OLFM3: variants seen among roughly 807,000 people sequenced by gnomAD.
The protein encoded by OLFM3 is noelin-3.
OLFM3 carries 20 observed loss-of-function variants against 48.6 expected under a neutral mutation model. The ratio of observed to expected loss-of-function variants is 0.41; its 90% CI spans 0.29 to 0.60. The LOEUF (loss-of-function observed/expected upper bound fraction) is 0.60, where lower values mean the gene tolerates loss of function less well. Among genes scored for constraint, OLFM3 ranks in the 20% least tolerant of loss-of-function variants. The pLI, the probability that OLFM3 is intolerant of heterozygous loss-of-function variation, is 0.28. For missense variants in OLFM3, 437 were observed against 544.3 expected, an observed-to-expected ratio of 0.80 and a Z score of 1.96; for synonymous variants, 222 against 198.1, an observed-to-expected ratio of 1.12 and a Z score of -1.01.
intron 1 of OLFM3, among the ~76,000 whole-genome samples, chr1:101,933,680 A>G (rs1227035932): frequency 6.6e-6 from 1 of 152,164 alleles, no homozygotes; most frequent in Non-Finnish European, 1.5e-5. Flanking sequence ...TCCAAGATCC[A>G]AATGAAAGAA....
intron 1 of OLFM3, among the ~76,000 whole-genome samples, chr1:101,969,517 A>C (rs1660720820): frequency 6.6e-6 from 1 of 152,104 alleles, no homozygotes; most frequent in Non-Finnish European, 1.5e-5. Flanking sequence ...TACTCAATAA[A>C]GATTTAAAGA....
chr1:101,862,605 A>T (rs2100965153), intron 1 of OLFM3, among the ~76,000 whole-genome samples: 1 of 152,284 alleles, frequency 6.6e-6, no homozygotes, highest in East Asian at 1.9e-4. Flanking sequence ...GACCTTAGAT[A>T]CCCCATGCTT....
intron 1 of OLFM3, among the ~76,000 whole-genome samples, chr1:101,929,590 G>T (rs1659382407): frequency 6.6e-6 from 1 of 152,052 alleles, no homozygotes. Context: ...TCCAATTCAG[G>T]TAATTCACAT....
At chr1:101,863,388 T>C (rs564583969) in intron 1 of OLFM3, among the ~76,000 whole-genome samples, 1 of 152,376 alleles carries the variant, frequency 6.6e-6, no homozygotes, top group African/African-American at 2.4e-5. Flanking sequence ...TTTACTTCTT[T>C]CTGCTACATA....
chr1:101,805,456 T>C (rs1653725007), intron 5 of OLFM3, among the ~76,000 whole-genome samples: 2 of 151,820 alleles, frequency 1.3e-5, no homozygotes, highest in Admixed American at 1.3e-4. Context: ...TAACCTCATT[T>C]AGAAATAACC....
At chr1:101,936,206 A>G (rs1490574318) in intron 1 of OLFM3, among the ~76,000 whole-genome samples, 1 of 152,168 alleles carries the variant, frequency 6.6e-6, no homozygotes, top group Non-Finnish European at 1.5e-5. Context: ...ATGATTCTCT[A>G]CTTAGTAAAC....
At chr1:101,855,974 T>C (rs1341798389) in intron 1 of OLFM3, among the ~76,000 whole-genome samples, 1 of 151,996 alleles carries the variant, frequency 6.6e-6, no homozygotes, top group East Asian at 1.9e-4. Flanking sequence ...ATAAAATGTA[T>C]GTTTAACAGG....
At chr1:101,853,134 A>G (rs1656287648) in intron 1 of OLFM3, among the ~76,000 whole-genome samples, 1 of 152,048 alleles carries the variant, frequency 6.6e-6, no homozygotes. Flanking sequence ...TTGCACTATA[A>G]AGTTCTACAT....
At chr1:101,958,444 A>G (rs1660364526) in intron 1 of OLFM3, among the ~76,000 whole-genome samples, 1 of 152,062 alleles carries the variant, frequency 6.6e-6, no homozygotes, top group Non-Finnish European at 1.5e-5. Context: ...TTCCCAATTC[A>G]TATAATTTAT....
At chr1:101,871,205 C>T (rs887084568) in intron 1 of OLFM3, among the ~76,000 whole-genome samples, 32 of 152,026 alleles carry the variant, frequency 2.1e-4, no homozygotes, top group Middle Eastern at 3.4e-3. Flanking sequence ...TACTTTTGTG[C>T]TGACACAGGA....
chr1:101,944,579 G>C (rs1470114851), intron 1 of OLFM3, among the ~76,000 whole-genome samples: 1 of 152,006 alleles, frequency 6.6e-6, no homozygotes, highest in Non-Finnish European at 1.5e-5. Flanking sequence ...CATTCAACCT[G>C]CCATTAATAG....
At chr1:101,817,372 T>C (rs1472413128) in intron 4 of OLFM3, among the ~76,000 whole-genome samples, 2 of 152,122 alleles carry the variant, frequency 1.3e-5, no homozygotes, top group African/African-American at 2.4e-5. Context: ...TATGTGCACA[T>C]TGCATATATT....
chr1:101,860,874 A>T (rs546660268), intron 1 of OLFM3, among the ~76,000 whole-genome samples: 66 of 152,154 alleles, frequency 4.3e-4, no homozygotes, highest in African/African-American at 1.4e-3. Flanking sequence ...CAGGGTTGTC[A>T]AGAGGCTTAA....
intron 1 of OLFM3, among the ~76,000 whole-genome samples, chr1:101,939,010 T>C (rs1048665089): frequency 6.6e-6 from 1 of 152,142 alleles, no homozygotes; most frequent in Non-Finnish European, 1.5e-5. Context: ...AATTTCAGTA[T>C]CTTTTATAAA....
At chr1:101,890,649 A>G (rs1657955207) in intron 1 of OLFM3, among the ~76,000 whole-genome samples, 1 of 149,998 alleles carries the variant, frequency 6.7e-6, no homozygotes, top group Non-Finnish European at 1.5e-5. Flanking sequence ...TCTGCATAAA[A>G]TTAATTATTT....
Position 101,804,245 on chromosome 1 carries a change from T to G in OLFM3, c.1370A>C (p.Asp457Ala). 4 of 1,584,414 alleles carry G rather than the reference T, an allele frequency of 2.5e-6. No homozygotes were observed. Among genetic ancestry groups the G allele is most frequent in the Non-Finnish European group, 3.4e-6 (4 of 1,165,876 alleles). The change falls in exon 6 of 6, where the codon GAC (aspartate) becomes GCC (alanine). Residue 457 changes from aspartate to alanine, a missense_variant. Physicochemically the swap from Asp to Ala is moderately radical, Grantham distance 126 (BLOSUM62 -2). This residue lies in a region of OLFM3 where 108 missense variants were observed against 135.8 expected (regional missense o/e 0.80). Coordinates refer to ENST00000370103, the MANE Select transcript of OLFM3 (RefSeq NM_058170.4). This position sits in a 1 kb window ranked among gnomAD's most constrained non-coding sequence, Gnocchi z 4.5. Reference sequence around the variant, plus strand: ...AAAACATGTCACATTTGCCTATGTGTCATCCTCTGTCTTGATGATATGGAA... The same window carrying G: ...AAAACATGTCACATTTGCCTATGTGGCATCCTCTGTCTTGATGATATGGAA... ...TLFHIIKTED[D>A]T
In OLFM3 at chr1:101,846,878, C is replaced by T. The variant is rs759972002; in HGVS notation, c.70-9853G>A. On this transcript the variant is annotated intron_variant, in intron 1 of 5. Coordinates refer to ENST00000370103, the MANE Select transcript of OLFM3 (RefSeq NM_058170.4). Reference sequence around the variant, plus strand: ...CCGGAGTCGACAGCCTCGTGGTGTTCAGTCCCACCAAGGATGGGAGAGTTT... The same window carrying T: ...CCGGAGTCGACAGCCTCGTGGTGTTTAGTCCCACCAAGGATGGGAGAGTTT... 5 of 1,612,530 alleles carry T rather than the reference C, an allele frequency of 3.1e-6. No homozygotes were observed. The African/African-American group carries it at 6.7e-5, about 22-fold the overall frequency.
At chr1:101,911,053 A>G (rs1159310686) in intron 1 of OLFM3, among the ~76,000 whole-genome samples, 1 of 152,196 alleles carries the variant, frequency 6.6e-6, no homozygotes, top group African/African-American at 2.4e-5. Flanking sequence ...CTCAATGGTA[A>G]TATTTTATGA....
chr1:101,813,590 A>C (rs1014399249), intron 4 of OLFM3, among the ~76,000 whole-genome samples: 4 of 152,150 alleles, frequency 2.6e-5, no homozygotes, highest in African/African-American at 4.8e-5. Context: ...ATATATATCT[A>C]GTGTTGGCCA....
Sources: gnomAD v4.1 joint callset for allele counts (sites outside exome capture counted in the v4.1 genomes callset) on GRCh38, gnomAD v4.1.1 for gene constraint, gnomAD v4.1.1 regional missense constraint, Gnocchi (gnomAD v3.1) non-coding constraint, MANE v1.5 for transcripts, NCBI Gene and HGNC (gene_info 2026-07-23, HGNC 2026-07-21) for gene names.